Variants in DNAJB4 observed in about 807,000 individuals in gnomAD.
The protein encoded by DNAJB4 is DnaJ heat shock protein family (Hsp40) member B4.
Under a neutral mutation model 26.6 loss-of-function variants are expected in DNAJB4, and 10 were observed. That is an observed-to-expected ratio of 0.38 (90% CI 0.23 to 0.64). The LOEUF is 0.64. DNAJB4 is among the 30% of genes least tolerant of loss of function. The probability of loss-of-function intolerance (pLI) is 0.58; values close to 1 mark genes in which losing one functional copy is unlikely to be tolerated. For synonymous variants in DNAJB4, 136 were observed against 134.8 expected (o/e 1.01, Z -0.06); for missense variants, 328 against 408.2 (o/e 0.80, Z 1.69).
chr1:78,004,930 C>G (rs553472649), upstream of DNAJB4: 1 of 634,560 alleles, frequency 1.6e-6, no homozygotes, highest in South Asian at 1.9e-5. Flanking sequence ...GTAAGTGAGC[C>G]GTTGGGGAAG....
At chr1:78,009,107 A>AT (rs935836981) in intron 1 of DNAJB4, among the ~76,000 whole-genome samples, 7 of 151,910 alleles carry the variant, frequency 4.6e-5, no homozygotes, top group African/African-American at 1.4e-4. Flanking sequence ...AGCTAGCTGG[A>AT]TTTTTTTTAA....
In DNAJB4 at chr1:77,993,476, G is replaced by A. The variant is rs1659985486; in HGVS notation, c.-31-11604G>A. ...CTACAAGTGTGTGCCACCACATCTG[G>A]CTAATTTTTTTGTATTTTTAGTAGA... On this transcript the variant is annotated intron_variant, in intron 1 of 2. Coordinates refer to the DNAJB4 transcript ENST00000426517. 2.0e-5 allele frequency among the ~76,000 whole-genome samples: 3 copies of A among 152,124 alleles called. No individual in the cohort carries two copies. The South Asian group carries it at 6.2e-4, about 32-fold the overall frequency.
At chr1:78,005,971 A>G (rs763046934) in intron 1 of DNAJB4, among the ~76,000 whole-genome samples, 1 of 152,204 alleles carries the variant, frequency 6.6e-6, no homozygotes, top group Non-Finnish European at 1.5e-5. Flanking sequence ...CTTAATTGTA[A>G]ACAATAATTT....
Position 78,013,262 on chromosome 1 carries a change from A to T in DNAJB4, c.423A>T (p.Gly141=). 1.9e-6 allele frequency: 3 copies of T among 1,614,166 alleles called. No homozygotes were observed. Among genetic ancestry groups the T allele is most frequent in the Non-Finnish European group, 8.5e-7 (1 of 1,180,012 alleles). Residue 141 remains glycine (G), a synonymous_variant, in exon 2 of 3, where the codon GGA becomes GGT. Coordinates refer to ENST00000370763, the MANE Select transcript of DNAJB4 (RefSeq NM_007034.5). ...GTGCCTTTGGTTTCAGCATGAATGG[A>T]TATCCAAGAGACAGGAATTCTGTGG... ...PFSAFGFSMN[G]YPRDRNSVGP...
intron 1 of DNAJB4, among the ~76,000 whole-genome samples, chr1:78,010,949 G>A (rs938606253): frequency 6.6e-6 from 1 of 152,156 alleles, no homozygotes; most frequent in African/African-American, 2.4e-5. Context: ...GTATGCATGA[G>A]CAGTGCAAAA....
At chr1:78,013,743 A>T (rs571788365) in intron 2 of DNAJB4, 124 bp downstream of exon 2, 28 of 774,644 alleles carry the variant, frequency 3.6e-5, no homozygotes, top group Admixed American at 6.3e-5. Flanking sequence ...TTACTATAAA[A>T]ATCCTCTAAG....
At chr1:78,003,278 A>G (rs1388416960), upstream of DNAJB4, among the ~76,000 whole-genome samples, 1 of 151,988 alleles carries the variant, frequency 6.6e-6, no homozygotes, top group East Asian at 1.9e-4. Context: ...AGTTTTTTGG[A>G]TTTGAAAGTA....
At chr1:77,992,434 A>AAAAAAAAAAAAAAC (rs1659954571) in intron 1 of DNAJB4, among the ~76,000 whole-genome samples, 1 of 150,740 alleles carries the variant, frequency 6.6e-6, no homozygotes, top group Non-Finnish European at 1.5e-5. Context: ...AAAAAAAAAA[A>AAAAAAAAAAAAAAC]AAAGAACATA....
chr1:78,010,085 A>C (rs1660429745), intron 1 of DNAJB4, among the ~76,000 whole-genome samples: 2 of 152,188 alleles, frequency 1.3e-5, no homozygotes, highest in Admixed American at 6.5e-5. Context: ...AGACTTTGTA[A>C]TTATGACCGA....
intron 2 of DNAJB4, among the ~76,000 whole-genome samples, chr1:78,014,663 A>G (rs1660585720): frequency 6.6e-6 from 1 of 152,010 alleles, no homozygotes; most frequent in African/African-American, 2.4e-5. Context: ...CAGTGGCACA[A>G]TCTCAGCTAG....
chr1:77,987,396 T>C (rs1442996402), intron 1 of DNAJB4, among the ~76,000 whole-genome samples: 1 of 152,168 alleles, frequency 6.6e-6, no homozygotes, highest in Non-Finnish European at 1.5e-5. Context: ...CCTGAGTAGC[T>C]AGGACTACAG....
intron 1 of DNAJB4, 38 bp downstream of exon 1, chr1:78,005,359 C>T: frequency 1.4e-6 from 2 of 1,408,026 alleles, no homozygotes; most frequent in Non-Finnish European, 1.8e-6. Flanking sequence ...CTCTTCAGCT[C>T]TGTCTCTTTT....
intron 1 of DNAJB4, among the ~76,000 whole-genome samples, chr1:77,990,760 T>G (rs181147946): frequency 1.3e-5 from 2 of 152,370 alleles, no homozygotes; most frequent in Admixed American, 1.3e-4. Context: ...ATCCAGCTGA[T>G]GGGCAAATTA....
At chr1:78,013,764 T>G (rs1417905010) in intron 2 of DNAJB4, 145 bp downstream of exon 2, 11 of 630,530 alleles carry the variant, frequency 1.7e-5, no homozygotes, top group Non-Finnish European at 2.6e-5. Context: ...ATAGTACTAG[T>G]ATTATACCTC....
intron 1 of DNAJB4, among the ~76,000 whole-genome samples, chr1:77,997,005 T>G (rs1660077833): frequency 6.6e-6 from 1 of 152,172 alleles, no homozygotes; most frequent in Non-Finnish European, 1.5e-5. Context: ...TACAGATTAT[T>G]AATGAAACTT....
rs557127367 is a variant in DNAJB4, at chr1:78,005,255, G to T, written c.145G>T (p.Ala49Ser). ...GGCAGAGGAAAAATTTAAAGAGGTC[G>T]CAGAAGCTTATGAAGTATTGAGTGA... Reference protein sequence around the residue: ...PQAEEKFKEVAEAYEVLSDPK... With the variant: ...PQAEEKFKEVSEAYEVLSDPK... The change falls in exon 1 of 3, where the codon GCA becomes TCA. Residue 49 changes from alanine (A) to serine (S), a missense_variant. Coordinates refer to ENST00000370763, the MANE Select transcript of DNAJB4 (RefSeq NM_007034.5). 1.2e-6 allele frequency: 2 copies of T among 1,614,004 alleles called. No individual in the cohort carries two copies. The highest frequency in any genetic ancestry group is 1.7e-4 in the Middle Eastern group (1 of 6,056).
intron 1 of DNAJB4, among the ~76,000 whole-genome samples, chr1:77,982,388 T>G (rs1457361603): frequency 1.3e-5 from 2 of 152,272 alleles, no homozygotes; most frequent in Non-Finnish European, 2.9e-5. Flanking sequence ...CTATTACATT[T>G]ATCTTTTTCA....
At chr1:77,986,885 C>T (rs72685371) in intron 1 of DNAJB4, among the ~76,000 whole-genome samples, 4,115 of 152,164 alleles carry the variant, frequency 0.027, 101 homozygotes, top group South Asian at 0.11. Flanking sequence ...CTTCTACCAC[C>T]CTCAGCTTCT....
intron 1 of DNAJB4, among the ~76,000 whole-genome samples, chr1:77,989,204 C>T (rs1415674848): frequency 6.6e-6 from 1 of 152,108 alleles, no homozygotes; most frequent in Non-Finnish European, 1.5e-5. Context: ...TCAGAGCCCA[C>T]CTCTAATTTT....
Sources: allele counts gnomAD v4.1 joint callset (sites outside exome capture counted in the v4.1 genomes callset), GRCh38; gene constraint gnomAD v4.1.1; transcripts MANE v1.5; gene names NCBI Gene and HGNC (gene_info 2026-07-23, HGNC 2026-07-21).